Variants in ATXN1 observed in about 807,000 individuals in gnomAD.
ATXN1 encodes ataxin-1.
A neutral mutation model predicts 56.4 loss-of-function variants in ATXN1; 8 were observed. The observed-to-expected ratio is 0.14, with a 90% confidence interval of 0.08 to 0.26. The LOEUF is 0.26. Ranked by LOEUF, ATXN1 falls within the 10% of genes least tolerant of loss-of-function variation. The pLI is 1.00. For missense variants in ATXN1, 987 were observed against 1,106.5 expected (o/e 0.89, Z 1.53); for synonymous variants, 514 against 494.6 (o/e 1.04, Z -0.52).
intron 4 of ATXN1, among the ~76,000 whole-genome samples, chr6:16,560,289 G>A (rs1371197706): frequency 2.0e-5 from 3 of 151,864 alleles, no homozygotes; most frequent in African/African-American, 7.3e-5. Context: ...AATTTGCTGG[G>A]CATGGTGGCA....
At chr6:16,335,999 G>A (rs576204417) in intron 6 of ATXN1, among the ~76,000 whole-genome samples, 4 of 152,306 alleles carry the variant, frequency 2.6e-5, no homozygotes, top group East Asian at 1.9e-4. Context: ...TTTAAGCCAC[G>A]ATATGTTTTG....
chr6:16,677,375 G>A (rs1758709890), intron 2 of ATXN1, among the ~76,000 whole-genome samples: 3 of 152,138 alleles, frequency 2.0e-5, no homozygotes, highest in Admixed American at 1.3e-4. Context: ...ACAAAGCCTA[G>A]CCATGTTATT....
intron 4 of ATXN1, among the ~76,000 whole-genome samples, chr6:16,578,995 T>C (rs114636761): frequency 1.1e-3 from 160 of 152,364 alleles, no homozygotes; most frequent in African/African-American, 3.8e-3. Context: ...CTGCTATTTC[T>C]GTCTCACTCC....
rs1472394099 is a variant in ATXN1, at chr6:16,454,148, A to AAC, written c.-161+31823_-161+31824insGT. ...CTCAAAAAAAAAAAAAAAAAAAAAA[A>AAC]AAAAAACAGAAGAATTAGATCGATA... On this transcript the variant is annotated intron_variant, in intron 6 of 7. Coordinates refer to ENST00000436367, the MANE Select transcript of ATXN1 (RefSeq NM_001128164.2). 2.5e-3 allele frequency among the ~76,000 whole-genome samples: 332 copies of AAC among 131,826 alleles called. 3 individuals carry two copies. Among genetic ancestry groups the AAC allele is most frequent in the African/African-American group, 8.2e-3 (312 of 37,962 alleles). The allele number at this position is 131,826 out of a possible 152,430, so 86.5% of individuals were successfully genotyped here.
chr6:16,307,061 C>T (rs1474636088), intron 7 of ATXN1, among the ~76,000 whole-genome samples: 1 of 152,148 alleles, frequency 6.6e-6, no homozygotes, highest in African/African-American at 2.4e-5. Context: ...TTGGGTTGTA[C>T]CTCTACTTGC....
intron 4 of ATXN1, among the ~76,000 whole-genome samples, chr6:16,566,946 C>T (rs982424150): frequency 1.2e-4 from 19 of 152,150 alleles, no homozygotes; most frequent in Admixed American, 2.0e-4. Flanking sequence ...CTCCTGGCAT[C>T]GTAAGTTGTC....
chr6:16,538,484 AG>A (rs1402782056), intron 4 of ATXN1, among the ~76,000 whole-genome samples: 1 of 151,712 alleles, frequency 6.6e-6, no homozygotes, highest in African/African-American at 2.4e-5. Flanking sequence ...CACAACATGC[AG>A]GTTTGTTACA....
At chr6:16,505,759 C>T (rs1012121586) in intron 5 of ATXN1, among the ~76,000 whole-genome samples, 1 of 152,098 alleles carries the variant, frequency 6.6e-6, no homozygotes, top group South Asian at 2.1e-4. Context: ...GACAGTTTAA[C>T]GAAAGCAAAT....
intron 3 of ATXN1, among the ~76,000 whole-genome samples, chr6:16,641,667 T>C (rs1763708488): frequency 6.6e-6 from 1 of 152,254 alleles, no homozygotes; most frequent in Non-Finnish European, 1.5e-5. Flanking sequence ...TCACGCCTGC[T>C]AACACAACAC....
At chr6:16,345,693 A>C (rs1013235037) in intron 6 of ATXN1, among the ~76,000 whole-genome samples, 22 of 152,178 alleles carry the variant, frequency 1.4e-4, no homozygotes, top group Non-Finnish European at 2.5e-4. Context: ...GCTGCAGTGT[A>C]GTGGAGCCCA....
At chr6:16,563,640 A>C (rs952839614) in intron 4 of ATXN1, among the ~76,000 whole-genome samples, 6 of 151,958 alleles carry the variant, frequency 3.9e-5, no homozygotes, top group Non-Finnish European at 7.4e-5. Flanking sequence ...GAAAGGTCCA[A>C]GTTGGGGGGT....
chr6:16,603,258 T>A (rs1397773008), intron 3 of ATXN1, among the ~76,000 whole-genome samples: 1 of 152,160 alleles, frequency 6.6e-6, no homozygotes, highest in African/African-American at 2.4e-5. Context: ...ACCATTCTCC[T>A]TTCCCCTGGC....
chr6:16,443,570 A>C (rs1374506266), intron 6 of ATXN1, among the ~76,000 whole-genome samples: 2 of 152,218 alleles, frequency 1.3e-5, no homozygotes, highest in Non-Finnish European at 2.9e-5. Flanking sequence ...AACCAATACA[A>C]AACTAAACAA....
intron 5 of ATXN1, among the ~76,000 whole-genome samples, chr6:16,487,210 T>C (rs528689181): frequency 3.3e-5 from 5 of 152,280 alleles, no homozygotes; most frequent in Admixed American, 6.5e-5. Flanking sequence ...TAGAATCTTG[T>C]TGCTTCCCAA....
intron 6 of ATXN1, among the ~76,000 whole-genome samples, chr6:16,456,416 G>T (rs548849766): frequency 4.4e-4 from 67 of 152,310 alleles, no homozygotes; most frequent in African/African-American, 1.6e-3. Flanking sequence ...TGGATGTCAG[G>T]CTCTCTGGGA....
chr6:16,643,786 T>C (rs949798712), intron 3 of ATXN1, among the ~76,000 whole-genome samples: 1 of 152,066 alleles, frequency 6.6e-6, no homozygotes, highest in Non-Finnish European at 1.5e-5. Flanking sequence ...AAGAGTTCGA[T>C]CGTTTGTTTG....
intron 6 of ATXN1, among the ~76,000 whole-genome samples, chr6:16,433,848 A>G (rs1759336829): frequency 6.6e-6 from 1 of 152,232 alleles, no homozygotes; most frequent in Non-Finnish European, 1.5e-5. Flanking sequence ...CAGGCGAGCC[A>G]CGGATCGGCT....
Position 16,437,943 on chromosome 6 carries a change from A to T in ATXN1, c.-161+48029T>A, listed in dbSNP as rs564636250. Among the ~76,000 whole-genome samples the T allele has an allele frequency of 6.4e-4, 97 of 152,332 alleles. 1 individual carries two copies. Among genetic ancestry groups the T allele is most frequent in the African/African-American group, 2.3e-3 (97 of 41,574 alleles). On this transcript the variant is annotated intron_variant, in intron 6 of 7. Transcript: ENST00000436367. ...CTATGGGTGTTCAAGAAGCAGCATC[A>T]TGCAATAGAAAGATGTGACACTTCT... is the stretch of plus-strand genomic sequence containing the variant.
At chr6:16,456,658 G>GC (rs1234715816) in intron 6 of ATXN1, among the ~76,000 whole-genome samples, 3 of 152,116 alleles carry the variant, frequency 2.0e-5, no homozygotes, top group Admixed American at 2.0e-4. Flanking sequence ...CCTGACCCTT[G>GC]CCTCCTGGGT....
Sources: allele counts gnomAD v4.1 joint callset (sites outside exome capture counted in the v4.1 genomes callset), GRCh38; gene constraint gnomAD v4.1.1; transcripts MANE v1.5; gene names NCBI Gene and HGNC (gene_info 2026-07-23, HGNC 2026-07-21).